The following NUP98 variants were observed in gnomAD, a reference collection of about 807,000 sequenced individuals.
NUP98 encodes the protein nuclear pore complex protein Nup98-Nup96.
NUP98 carries 26 observed loss-of-function variants against 191.9 expected under a neutral mutation model. The ratio of observed to expected loss-of-function variants is 0.14; its 90% CI spans 0.10 to 0.19. The LOEUF (loss-of-function observed/expected upper bound fraction) is 0.19, where lower values mean the gene tolerates loss of function less well. Among genes scored for constraint, NUP98 ranks in the 10% least tolerant of loss-of-function variants. The probability of loss-of-function intolerance (pLI) is 1.00; values close to 1 mark genes in which losing one functional copy is unlikely to be tolerated. For synonymous variants in NUP98, 808 were observed against 778.4 expected (o/e 1.04, Z -0.63); for missense variants, 1,941 against 2,178.8 (o/e 0.89, Z 2.17).
At chr11:3,737,869 A>G (rs1314221099) in intron 12 of NUP98, among the ~76,000 whole-genome samples, 2 of 152,082 alleles carry the variant, frequency 1.3e-5, no homozygotes, top group African/African-American at 4.8e-5. Context: ...AGAGCAAAAA[A>G]TAAAGAAAAG....
intron 28 of NUP98, among the ~76,000 whole-genome samples, chr11:3,689,794 A>G (rs926751529): frequency 4.0e-5 from 6 of 151,202 alleles, no homozygotes; most frequent in Non-Finnish European, 8.9e-5. Flanking sequence ...ACTACCACAC[A>G]TGGCTAATTT....
intron 14 of NUP98, among the ~76,000 whole-genome samples, chr11:3,728,683 G>A (rs2079715730): frequency 6.6e-6 from 1 of 152,110 alleles, no homozygotes; most frequent in Non-Finnish European, 1.5e-5. Context: ...AGCTTGCAGT[G>A]AGCCGAGATG....
At chr11:3,733,420 G>A (rs1000308949) in intron 13 of NUP98, among the ~76,000 whole-genome samples, 1 of 151,994 alleles carries the variant, frequency 6.6e-6, no homozygotes, top group African/African-American at 2.4e-5. Flanking sequence ...CAAGTGATTC[G>A]CCTGCCTCAG....
At chr11:3,746,913 CAAA>C (rs200628434) in intron 11 of NUP98, among the ~76,000 whole-genome samples, 4 of 90,904 alleles carry the variant, frequency 4.4e-5, no homozygotes, top group African/African-American at 3.5e-5. Flanking sequence ...AACGCAGTCT[CAAA>C]AAAAAAAAAA....
intron 2 of NUP98, among the ~76,000 whole-genome samples, chr11:3,780,372 TAAAAAAA>T (rs770071322): frequency 7.8e-5 from 7 of 89,448 alleles, no homozygotes; most frequent in African/African-American, 1.3e-4. Context: ...CCACTTAAAA[TAAAAAAA>T]AAAAAAAAAA....
At chr11:3,782,716 G>C (rs1010965185) in intron 1 of NUP98, among the ~76,000 whole-genome samples, 1 of 150,318 alleles carries the variant, frequency 6.7e-6, no homozygotes, top group Non-Finnish European at 1.5e-5. Flanking sequence ...CTAATTATTT[G>C]TATTTTTAGG....
At position 3,723,465 on chromosome 11, in the gene NUP98, A is replaced by G. The variant is rs1233654077; in HGVS notation, c.1848-10T>C. On this transcript the variant is annotated splice_polypyrimidine_tract_variant and intron_variant, in intron 15 of 32. Transcript: ENST00000324932. The stretch of plus-strand genomic sequence containing the variant: ...GCTTAGGAAACTAAATCTGCAAAGG[A>G]AAAGAAATAATACCTTAGCCTCTTG... The G allele has an allele frequency of 1.9e-6, 3 of 1,610,104 alleles. No individual in the cohort carries two copies. Among genetic ancestry groups the G allele is most frequent in the African/African-American group, 2.7e-5 (2 of 74,780 alleles).
Position 3,775,938 on chromosome 11 carries a change from G to C in NUP98, c.439C>G (p.Leu147Val). ...GCTGTAAAACTACTTGGCCCAAAGAGGGAGCCAGATGTGCTGCCAAAAGGA... is the reference window on the plus strand; with the variant it reads ...GCTGTAAAACTACTTGGCCCAAAGACGGAGCCAGATGTGCTGCCAAAAGGA... ...SNPFGSTSGS[L>V]FGPSSFTAAP... The change falls in exon 5 of 33, where the codon CTC becomes GTC. Residue 147 changes from leucine (L) to valine (V), a missense_variant. This residue lies in a region of NUP98 where 154 missense variants were observed against 182.9 expected (regional missense o/e 0.84). Coordinates refer to ENST00000324932, the MANE Select transcript of NUP98 (RefSeq NM_016320.5). The C allele has an allele frequency of 2.5e-6, 4 of 1,613,712 alleles. No individual in the cohort carries two copies. The highest frequency in any genetic ancestry group is 1.3e-5 in the African/African-American group (1 of 75,020).
At chr11:3,695,172 A>C (rs2078461158) in intron 26 of NUP98, among the ~76,000 whole-genome samples, 1 of 152,210 alleles carries the variant, frequency 6.6e-6, no homozygotes. Flanking sequence ...CAAAAAAATT[A>C]ATTAACTAAA....
At chr11:3,679,304 C>A in intron 31 of NUP98, 1 of 567,058 alleles carries the variant, frequency 1.8e-6, no homozygotes, top group Non-Finnish European at 3.3e-6. Flanking sequence ...GGGGAAGAGA[C>A]TGTCTATGGA....
At chr11:3,759,199 G>C (rs956483965) in intron 10 of NUP98, among the ~76,000 whole-genome samples, 1 of 152,184 alleles carries the variant, frequency 6.6e-6, no homozygotes, top group Non-Finnish European at 1.5e-5. Context: ...AAATCCTCAA[G>C]AAATACTTGA....
At chr11:3,779,896 G>A (rs2081895427) in intron 2 of NUP98, among the ~76,000 whole-genome samples, 1 of 151,938 alleles carries the variant, frequency 6.6e-6, no homozygotes, top group Admixed American at 6.6e-5. Flanking sequence ...GGGAGGCCGA[G>A]GTGGGCGAAT....
intron 15 of NUP98, among the ~76,000 whole-genome samples, chr11:3,724,306 A>G (rs1589812515): frequency 6.6e-6 from 1 of 151,642 alleles, no homozygotes; most frequent in East Asian, 1.9e-4. Context: ...GTGGAGGTGC[A>G]TGCCTGTAAT....
intron 5 of NUP98, 38 bp from the exon 6 acceptor site, chr11:3,773,777 T>G (rs2081610203): frequency 1.6e-6 from 2 of 1,221,882 alleles, no homozygotes; most frequent in Non-Finnish European, 2.4e-6. Context: ...TAGGTCCAAG[T>G]TTTACATTCC....
At chr11:3,775,133 C>A (rs1414853035) in intron 5 of NUP98, among the ~76,000 whole-genome samples, 1 of 152,188 alleles carries the variant, frequency 6.6e-6, no homozygotes, top group African/African-American at 2.4e-5. Context: ...ATAAACTTTA[C>A]AGCCCCATTT....
intron 5 of NUP98, 77 bp downstream of exon 5, chr11:3,775,805 C>G: frequency 2.1e-6 from 3 of 1,433,038 alleles, no homozygotes; most frequent in Non-Finnish European, 2.9e-6. Context: ...GAAAGAGAAG[C>G]AATTTTACAA....
intron 9 of NUP98, among the ~76,000 whole-genome samples, chr11:3,761,232 T>C (rs1189649843): frequency 6.6e-6 from 1 of 152,202 alleles, no homozygotes; most frequent in Non-Finnish European, 1.5e-5. Flanking sequence ...AATATGGTGA[T>C]AGTTGCACAC....
At position 3,790,709 on chromosome 11, in the gene NUP98, C is replaced by G. The variant is rs1402489058; in HGVS notation, c.-29+6691G>C. ...AATTCCACTTTCACTTAAAAGGGTC[C>G]TTAATGAAGCAGCAAAAATTATTAG... On this transcript the variant is annotated intron_variant, in intron 1 of 32. Transcript: ENST00000324932. 3.3e-5 allele frequency among the ~76,000 whole-genome samples: 5 copies of G among 152,106 alleles called. No homozygotes were observed. The East Asian group carries it at 7.7e-4, about 23-fold the overall frequency.
intron 12 of NUP98, among the ~76,000 whole-genome samples, chr11:3,741,564 T>A (rs66480520): frequency 0.15 from 23,058 of 151,816 alleles, 2,259 homozygotes; most frequent in East Asian, 0.26. Flanking sequence ...GATATAGAAG[T>A]GAGCCGAGAT....
Sources: allele counts gnomAD v4.1 joint callset (sites outside exome capture counted in the v4.1 genomes callset), GRCh38; gene constraint gnomAD v4.1.1; regional missense constraint gnomAD v4.1.1; transcripts MANE v1.5; gene names NCBI Gene and HGNC (gene_info 2026-07-23, HGNC 2026-07-21).